The following MAP1A variants were observed in gnomAD, a reference collection of about 807,000 sequenced individuals.
MAP1A encodes microtubule associated protein 1A.
A neutral mutation model predicts 185.9 loss-of-function variants in MAP1A; 42 were observed. The ratio of observed to expected loss-of-function variants is 0.23; its 90% CI spans 0.18 to 0.29. The LOEUF is 0.29. Ranked by LOEUF, MAP1A falls within the 10% of genes least tolerant of loss-of-function variation. The probability of loss-of-function intolerance (pLI) is 1.00; values close to 1 mark genes in which losing one functional copy is unlikely to be tolerated. For synonymous variants in MAP1A, 1,229 were observed against 1,335.9 expected, an observed-to-expected ratio of 0.92 and a Z score of 1.74; for missense variants, 2,995 against 3,450.4, an observed-to-expected ratio of 0.87 and a Z score of 3.31.
Position 43,522,908 on chromosome 15 carries a change from A to C in MAP1A, c.1435A>C (p.Lys479Gln). The C allele has an allele frequency of 6.2e-7, 1 of 1,613,372 alleles. No homozygotes were observed. Residue 479 changes from lysine (K) to glutamine (Q), a missense_variant, in exon 4 of 6, where the codon AAG becomes CAG. Coordinates refer to ENST00000300231, the MANE Select transcript of MAP1A (RefSeq NM_002373.6). The surrounding 1 kb of genome is among the most constrained non-coding windows in gnomAD (Gnocchi z 5.9). ...PEVRKTLYKA[K>Q]VPGRVKIDRS... ...GGTACGTAAGACCCTCTATAAAGCCAAGGTCCCTGGAAGAGTCAAAATAGA... is the reference window on the plus strand; with the variant it reads ...GGTACGTAAGACCCTCTATAAAGCCCAGGTCCCTGGAAGAGTCAAAATAGA...
intron 1 of MAP1A, among the ~76,000 whole-genome samples, chr15:43,519,248 A>C (rs1297871480): frequency 6.6e-6 from 1 of 152,216 alleles, no homozygotes; most frequent in East Asian, 1.9e-4. Context: ...TCAATTCTCA[A>C]GTAAATAGAA....
chr15:43,521,676 G>C lies in MAP1A; in HGVS notation c.203G>C (p.Arg68Pro). Residue 68 changes from arginine (R) to proline (P), a missense_variant, in exon 4 of 6, where the codon CGC becomes CCC. Around this residue, in one of 3 missense-constraint regions of MAP1A, gnomAD observed 264 missense variants for 435.3 expected, o/e 0.61. Coordinates refer to ENST00000300231, the MANE Select transcript of MAP1A (RefSeq NM_002373.6). This position sits in a 1 kb window ranked among gnomAD's most constrained non-coding sequence, Gnocchi z 4.6. ...FNILVDGGSD[R>P]KSCFWKLVRH... The stretch of plus-strand genomic sequence containing the variant: ...ATCCTGGTGGATGGTGGCTCTGATC[G>C]CAAGTCCTGTTTTTGGAAGCTGGTA... 6.2e-7 allele frequency: 1 copy of C among 1,614,060 alleles called. No individual in the cohort carries two copies. The highest frequency in any genetic ancestry group is 8.5e-7 in the Non-Finnish European group (1 of 1,180,026).
In MAP1A at chr15:43,529,529, G is replaced by A. The variant is rs2079362602; in HGVS notation, c.8035+21G>A. ...ACCAAGTAAGTATATCATGAAACTT[G>A]GCAGAGAGTGTGGGTTAGGGCTGGG... On this transcript the variant is annotated intron_variant, in intron 4 of 5. Coordinates refer to ENST00000300231, the MANE Select transcript of MAP1A (RefSeq NM_002373.6). This position sits in a 1 kb window ranked among gnomAD's most constrained non-coding sequence, Gnocchi z 4.3. The A allele has an allele frequency of 3.7e-6, 6 of 1,600,262 alleles. No individual in the cohort carries two copies. Among genetic ancestry groups the A allele is most frequent in the Non-Finnish European group, 5.1e-6 (6 of 1,171,290 alleles).
At position 43,524,961 on chromosome 15, in the gene MAP1A, C is replaced by T. The variant is rs199678078; in HGVS notation, c.3488C>T (p.Thr1163Ile). 6.2e-7 allele frequency: 1 copy of T among 1,614,056 alleles called. No individual in the cohort carries two copies. Among genetic ancestry groups the T allele is most frequent in the African/African-American group, 1.3e-5 (1 of 74,906 alleles). Residue 1163 changes from threonine (T) to isoleucine (I), a missense_variant, in exon 4 of 6, where the codon ACT (threonine) becomes ATT (isoleucine). Thr to Ile is a moderately conservative substitution (Grantham distance 89, BLOSUM62 -1). Coordinates refer to ENST00000300231, the MANE Select transcript of MAP1A (RefSeq NM_002373.6). ...GTCCTCAGCGTGCCCTCCCCAGACA[C>T]TGCCAACCAAGAGCCTACCCCCAAG... The part of the protein sequence containing the change: ...LSVLSVPSPD[T>I]ANQEPTPKSP...
chr15:43,528,986 G>A lies in MAP1A; in HGVS notation c.7513G>A (p.Asp2505Asn), dbSNP rs923584267. 6.2e-7 allele frequency: 1 copy of A among 1,613,656 alleles called. No homozygotes were observed. The highest frequency in any genetic ancestry group is 8.5e-7 in the Non-Finnish European group (1 of 1,180,018). The part of the protein sequence containing the change: ...TDETPPTSAS[D>N]SGSSQSDSDV... ...TGAGACACCCCCTACATCAGCCAGT[G>A]ACTCAGGCTCCTCACAGTCAGATTC... The change falls in exon 4 of 6, where the codon GAC becomes AAC. Residue 2505 changes from aspartate (D) to asparagine (N), a missense_variant. Physicochemically the swap from Asp to Asn is conservative, Grantham distance 23. Transcript: ENST00000300231.
chr15:43,525,129 C>T lies in MAP1A; in HGVS notation c.3656C>T (p.Pro1219Leu). 1.2e-6 allele frequency: 2 copies of T among 1,614,194 alleles called. No homozygotes were observed. The highest frequency in any genetic ancestry group is 2.2e-5 in the East Asian group (1 of 44,886). ...SLDVSSKQLSPESLGTLQFGE... is the reference protein window; with the variant it reads ...SLDVSSKQLSLESLGTLQFGE... ...GATGTCTCTTCTAAGCAGCTCTCTC[C>T]AGAAAGCCTTGGCACCCTCCAGTTT... The change falls in exon 4 of 6, where the codon CCA becomes CTA. Residue 1219 changes from proline (P) to leucine (L), a missense_variant. Physicochemically the swap from Pro to Leu is moderately conservative, Grantham distance 98. This residue lies in a region of MAP1A where 2,728 missense variants were observed against 2,986.0 expected (regional missense o/e 0.91). Coordinates refer to ENST00000300231, the MANE Select transcript of MAP1A (RefSeq NM_002373.6).
In MAP1A at chr15:43,524,795, C is replaced by G; in HGVS notation, c.3322C>G (p.Pro1108Ala). Residue 1108 changes from proline (P) to alanine (A), a missense_variant, in exon 4 of 6, where the codon CCC becomes GCC. Coordinates refer to ENST00000300231, the MANE Select transcript of MAP1A (RefSeq NM_002373.6). ...IVFEIMEAGE[P>A]TGPILGAEAL... ...CTTTGAGATTATGGAGGCAGGAGAG[C>G]CCACAGGCCCAATTCTGGGAGCAGA... 1 of 1,614,162 alleles carries G rather than the reference C, an allele frequency of 6.2e-7. No homozygotes were observed. Among genetic ancestry groups the G allele is most frequent in the Admixed American group, 1.7e-5 (1 of 60,022 alleles).
At position 43,520,656 on chromosome 15, in the gene MAP1A, G is replaced by A. The variant is rs574521753; in HGVS notation, c.-359G>A. The A allele has an allele frequency of 3.4e-5, 53 of 1,548,000 alleles. No homozygotes were observed. Among genetic ancestry groups the A allele is most frequent in the Admixed American group, 5.9e-5 (3 of 51,006 alleles). On this transcript the variant is annotated 5_prime_UTR_variant, in exon 2 of 6. Transcript: ENST00000300231. Reference sequence around the variant, plus strand: ...TCTCCCTCAGGCCAGAGGACCCTTTGCCACCAGAGTGAGATCCTAGAGACC... The same window carrying A: ...TCTCCCTCAGGCCAGAGGACCCTTTACCACCAGAGTGAGATCCTAGAGACC...
chr15:43,528,726 G>T lies in MAP1A; in HGVS notation c.7253G>T (p.Gly2418Val). 6.2e-7 allele frequency: 1 copy of T among 1,613,022 alleles called. No individual in the cohort carries two copies. The highest frequency in any genetic ancestry group is 8.5e-7 in the Non-Finnish European group (1 of 1,179,560). ...GAGCAGCCAGTGTGTCCTGCAGGGG[G>T]CTCCGGGGGCCCACCCAGCAGTGCC... Reference protein sequence around the residue: ...SPEQPVCPAGGSGGPPSSASP... With the variant: ...SPEQPVCPAGVSGGPPSSASP... The change falls in exon 4 of 6, where the codon GGC becomes GTC. Residue 2418 changes from glycine (G) to valine (V), a missense_variant. Transcript: ENST00000300231.
rs554086254 is a variant in MAP1A at position 43,528,742 on chromosome 15, C to G, written c.7269C>G (p.Pro2423=). The G allele has an allele frequency of 3.7e-6, 6 of 1,613,272 alleles. No individual in the cohort carries two copies. The South Asian group carries it at 4.4e-5, about 12-fold the overall frequency. The change falls in exon 4 of 6, where the codon CCC becomes CCG. Residue 2423 remains proline, a synonymous_variant. Transcript: ENST00000300231. ...VCPAGGSGGP[P]SSASPEVEAG... is the part of the protein sequence containing the mutation. ...CTGCAGGGGGCTCCGGGGGCCCACC[C>G]AGCAGTGCCTCTCCTGAGGTCGAAG...
rs537805423 is a variant in MAP1A at position 43,528,715 on chromosome 15, T to A, written c.7242T>A (p.Cys2414Ter). ...DTLLSPEQPVCPAGGSGGPPS... is the reference protein window; with the variant it reads ...DTLLSPEQPV The stretch of plus-strand genomic sequence containing the variant: ...TGCTCTCCCCTGAGCAGCCAGTGTG[T>A]CCTGCAGGGGGCTCCGGGGGCCCAC... Residue 2414 changes from cysteine to a stop codon, truncating the protein, a stop_gained, in exon 4 of 6, where the codon TGT becomes TGA. Coordinates refer to ENST00000300231, the MANE Select transcript of MAP1A (RefSeq NM_002373.6). LOFTEE classifies it high-confidence loss of function. The A allele has an allele frequency of 6.2e-7, 1 of 1,613,620 alleles. No individual in the cohort carries two copies. The highest frequency in any genetic ancestry group is 1.3e-5 in the African/African-American group (1 of 75,052).
In MAP1A at chr15:43,521,743, T is replaced by C. The variant is rs372979691; in HGVS notation, c.270T>C (p.Ile90=). 3.0e-5 allele frequency: 48 copies of C among 1,614,042 alleles called. No homozygotes were observed. In the African/African-American group the frequency reaches 6.0e-4, roughly 20 times the overall value. ...TTGACTCGGTGCTACTCACACACATTGGGGCAGACAACCTGCCAGGCATCA... is the reference window on the plus strand; with the variant it reads ...TTGACTCGGTGCTACTCACACACATCGGGGCAGACAACCTGCCAGGCATCA... ...DRIDSVLLTH[I]GADNLPGING... Residue 90 remains isoleucine (I), a synonymous_variant, in exon 4 of 6, where the codon ATT becomes ATC. Transcript: ENST00000300231. This position sits in a 1 kb window ranked among gnomAD's most constrained non-coding sequence, Gnocchi z 4.6.
rs1176307003 is a variant in MAP1A at position 43,526,142 on chromosome 15, GC to G, written c.4670del (p.Ala1557ValfsTer28). The G allele has an allele frequency of 3.7e-6, 6 of 1,613,870 alleles. No individual in the cohort carries two copies. Among genetic ancestry groups the G allele is most frequent in the African/African-American group, 1.3e-5 (1 of 74,912 alleles). ...TCAGGCCTTAGAACAAAAATACTGG[GC>G]TTTGGGACAGAAGGATGAAGCCCTG... ...KDQALEQKYW[A>X]LGQKDEALEQ... On this transcript the variant is annotated frameshift_variant, in exon 4 of 6. Transcript: ENST00000300231. LOFTEE classifies it high-confidence loss of function. The surrounding 1 kb of genome is among the most constrained non-coding windows in gnomAD (Gnocchi z 4.7).
rs2079330575 is a variant in MAP1A, at chr15:43,523,826, G to A, written c.2353G>A (p.Glu785Lys). Residue 785 changes from glutamate (E) to lysine (K), a missense_variant, in exon 4 of 6, where the codon GAA (glutamate) becomes AAA (lysine). Physicochemically the swap from Glu to Lys is moderately conservative, Grantham distance 56. Transcript: ENST00000300231. ...LPGPEGAGPF[E>K]ASQPADSAVP... The stretch of plus-strand genomic sequence containing the variant: ...CGGGCCTGAAGGTGCTGGCCCATTC[G>A]AAGCCAGCCAACCTGCCGATAGTGC... 4 of 1,614,018 alleles carry A rather than the reference G, an allele frequency of 2.5e-6. No individual in the cohort carries two copies. The highest frequency in any genetic ancestry group is 1.7e-5 in the Admixed American group (1 of 60,026).
At position 43,523,370 on chromosome 15, in the gene MAP1A, A is replaced by C. The variant is rs749448354; in HGVS notation, c.1897A>C (p.Arg633=). 6.2e-7 allele frequency: 1 copy of C among 1,611,500 alleles called. No homozygotes were observed. Among genetic ancestry groups the C allele is most frequent in the Non-Finnish European group, 8.5e-7 (1 of 1,178,654 alleles). Reference sequence around the variant, plus strand: ...GGAAAAGAAGCAGAGGGAAGCAGAGAGGCTCCCAGACAGAACAGAAGCCAG... The same window carrying C: ...GGAAAAGAAGCAGAGGGAAGCAGAGCGGCTCCCAGACAGAACAGAAGCCAG... ...WEEKKQREAE[R]LPDRTEAREE... is the part of the protein sequence containing the mutation. Residue 633 remains arginine (R), a synonymous_variant, in exon 4 of 6, where the codon AGG becomes CGG. Transcript: ENST00000300231.
rs779821498 is a variant in MAP1A at position 43,521,903 on chromosome 15, C to T, written c.430C>T (p.Arg144Trp). Residue 144 changes from arginine (R) to tryptophan (W), a missense_variant, in exon 4 of 6, where the codon CGG (arginine) becomes TGG (tryptophan). This residue lies in a region of MAP1A where 264 missense variants were observed against 435.3 expected (regional missense o/e 0.61). Coordinates refer to ENST00000300231, the MANE Select transcript of MAP1A (RefSeq NM_002373.6). The surrounding 1 kb of genome is among the most constrained non-coding windows in gnomAD (Gnocchi z 4.6). The stretch of plus-strand genomic sequence containing the variant: ...CTTTTTCAACGTGCCTGAGAAGCTG[C>T]GGCTTCCTGATGCCTCCCGGAAAGC... ...VVFFNVPEKL[R>W]LPDASRKAKR... 4 of 1,614,016 alleles carry T rather than the reference C, an allele frequency of 2.5e-6. No homozygotes were observed. The highest frequency in any genetic ancestry group is 1.3e-5 in the African/African-American group (1 of 74,928).
Position 43,525,856 on chromosome 15 carries a change from T to A in MAP1A, c.4383T>A (p.Asp1461Glu), listed in dbSNP as rs878861231. Reference protein sequence around the residue: ...EEKDKALEQKDTALEQKDKAL... With the variant: ...EEKDKALEQKETALEQKDKAL... The stretch of plus-strand genomic sequence containing the variant: ...AAGACAAAGCCTTAGAACAAAAGGA[T>A]ACAGCCCTGGAACAGAAGGACAAGG... Residue 1461 changes from aspartate (D) to glutamate (E), a missense_variant, in exon 4 of 6, where the codon GAT becomes GAA. Around this residue, in one of 3 missense-constraint regions of MAP1A, gnomAD observed 2,728 missense variants for 2,986.0 expected, o/e 0.91. Transcript: ENST00000300231. The A allele has an allele frequency of 6.4e-7, 1 of 1,572,246 alleles. No individual in the cohort carries two copies. Among genetic ancestry groups the A allele is most frequent in the African/African-American group, 1.4e-5 (1 of 69,990 alleles).
rs1043273259 is a variant in MAP1A, at chr15:43,524,980, C to A, written c.3507C>A (p.Thr1169=). Residue 1169 remains threonine (T), a synonymous_variant, in exon 4 of 6, where the codon ACC becomes ACA. Transcript: ENST00000300231. The stretch of plus-strand genomic sequence containing the variant: ...CAGACACTGCCAACCAAGAGCCTAC[C>A]CCCAAGTCTCCCTGTGGCCTGACAG... The part of the protein sequence containing the change: ...PSPDTANQEP[T]PKSPCGLTEQ... 3.1e-6 allele frequency: 5 copies of A among 1,614,036 alleles called. No individual in the cohort carries two copies. The Admixed American group carries it at 6.7e-5, about 22-fold the overall frequency.
At chr15:43,520,798 A>G (rs2079316231) in intron 2 of MAP1A, 75 bp downstream of exon 2, 6 of 1,372,444 alleles carry the variant, frequency 4.4e-6, no homozygotes, top group East Asian at 5.0e-5. Context: ...TGCTACCACT[A>G]TTAGGCCAAG....
Sources: allele counts gnomAD v4.1 joint callset (sites outside exome capture counted in the v4.1 genomes callset), GRCh38; gene constraint gnomAD v4.1.1; regional missense constraint gnomAD v4.1.1; non-coding constraint Gnocchi (gnomAD v3.1); transcripts MANE v1.5; gene names NCBI Gene and HGNC (gene_info 2026-07-23, HGNC 2026-07-21).